HIRA: variants seen among roughly 807,000 people sequenced by gnomAD.
The protein encoded by HIRA is histone cell cycle regulator, also known as protein HIRA.
A neutral mutation model predicts 126.6 loss-of-function variants in HIRA; 13 were observed. The ratio of observed to expected loss-of-function variants is 0.10; its 90% CI spans 0.07 to 0.16. The LOEUF (loss-of-function observed/expected upper bound fraction) is 0.16. Among genes scored for constraint, HIRA ranks in the 10% least tolerant of loss-of-function variants. The pLI is 1.00. For missense variants in HIRA, 834 were observed against 1,314.4 expected, an observed-to-expected ratio of 0.63 and a Z score of 5.65; for synonymous variants, 511 against 520.0, an observed-to-expected ratio of 0.98 and a Z score of 0.24.
chr22:19,347,970 G>T (rs2088706367), intron 24 of HIRA, among the ~76,000 whole-genome samples: 1 of 152,130 alleles, frequency 6.6e-6, no homozygotes, highest in African/African-American at 2.4e-5. Flanking sequence ...CAAACAACTT[G>T]AGGGCCTAGG....
At chr22:19,403,343 C>A (rs1157891634) in intron 5 of HIRA, among the ~76,000 whole-genome samples, 1 of 152,168 alleles carries the variant, frequency 6.6e-6, no homozygotes. Context: ...GTCATGGTGA[C>A]TCATGCCTGT....
intron 5 of HIRA, among the ~76,000 whole-genome samples, chr22:19,405,045 A>ACAAGGG (rs2089297403): frequency 6.6e-6 from 1 of 152,150 alleles, no homozygotes; most frequent in South Asian, 2.1e-4. Flanking sequence ...CTCCCTCAGT[A>ACAAGGG]ACAGGGAGCA....
At chr22:19,402,663 T>C (rs972582582) in intron 5 of HIRA, among the ~76,000 whole-genome samples, 3 of 152,228 alleles carry the variant, frequency 2.0e-5, no homozygotes, top group Non-Finnish European at 4.4e-5. Flanking sequence ...CCAGTTTCTA[T>C]TTAACTGTGT....
intron 11 of HIRA, among the ~76,000 whole-genome samples, chr22:19,386,700 T>C (rs921466007): frequency 6.6e-6 from 1 of 152,184 alleles, no homozygotes; most frequent in Non-Finnish European, 1.5e-5. Flanking sequence ...CCAGCCTGAC[T>C]TGGGAAATGG....
At chr22:19,384,480 G>A (rs1328823362) in intron 12 of HIRA, among the ~76,000 whole-genome samples, 1 of 152,028 alleles carries the variant, frequency 6.6e-6, no homozygotes, top group Non-Finnish European at 1.5e-5. Context: ...CTAAGGAAAT[G>A]TATTCTAAAT....
chr22:19,347,036 A>G (rs1556009070), intron 24 of HIRA, among the ~76,000 whole-genome samples: 2 of 152,168 alleles, frequency 1.3e-5, no homozygotes, highest in Admixed American at 6.5e-5. Context: ...AAAGAGAACT[A>G]CTATGGTGAG....
At chr22:19,370,351 C>T (rs961926683) in intron 15 of HIRA, among the ~76,000 whole-genome samples, 1 of 152,220 alleles carries the variant, frequency 6.6e-6, no homozygotes, top group Non-Finnish European at 1.5e-5. Flanking sequence ...TTAAGGAATT[C>T]TGCTGCCTCA....
At chr22:19,334,255 A>C (rs144122369) in intron 24 of HIRA, among the ~76,000 whole-genome samples, 5 of 150,864 alleles carry the variant, frequency 3.3e-5, no homozygotes, top group East Asian at 4.0e-4. Flanking sequence ...GATTACAGGC[A>C]TGAGCCACTG....
chr22:19,422,498 C>T (rs2089456695), intron 1 of HIRA, among the ~76,000 whole-genome samples: 1 of 152,100 alleles, frequency 6.6e-6, no homozygotes, highest in African/African-American at 2.4e-5. Context: ...CCTCTGCTCC[C>T]CTTGCAGTGA....
At position 19,361,893 on chromosome 22, in the gene HIRA, C is replaced by T. The variant is rs193106800; in HGVS notation, c.1814G>A (p.Arg605Gln). 1.3e-5 allele frequency: 21 copies of T among 1,614,192 alleles called. No homozygotes were observed. Among genetic ancestry groups the T allele is most frequent in the Admixed American group, 1.2e-4 (7 of 60,032 alleles). Residue 605 changes from arginine (R) to glutamine (Q), a missense_variant, in exon 16 of 25, where the codon CGA becomes CAA. Around this residue, in one of 5 missense-constraint regions of HIRA, gnomAD observed 468 missense variants for 574.2 expected, o/e 0.82. Transcript: ENST00000263208. ...EQNLVKELRP[R>Q]DLLESSSDSD... ...GTCACTGCTGCTCTCCAGGAGGTCT[C>T]GGGGCCTCAGCTCTTTCACAAGGTT... is the stretch of plus-strand genomic sequence containing the variant.
At chr22:19,429,133 C>CTTTTTTTTT (rs57853722) in intron 1 of HIRA, among the ~76,000 whole-genome samples, 10 of 77,280 alleles carry the variant, frequency 1.3e-4, no homozygotes, top group East Asian at 4.4e-4. Flanking sequence ...GTTGCCATAT[C>CTTTTTTTTT]TTTTTTTTTT....
At chr22:19,364,731 T>C (rs2088896477) in intron 15 of HIRA, among the ~76,000 whole-genome samples, 1 of 152,176 alleles carries the variant, frequency 6.6e-6, no homozygotes, top group African/African-American at 2.4e-5. Flanking sequence ...CTCCCTATTA[T>C]CTGAGACAAA....
intron 2 of HIRA, among the ~76,000 whole-genome samples, chr22:19,409,617 T>A (rs536432111): frequency 1.3e-5 from 2 of 152,324 alleles, no homozygotes; most frequent in African/African-American, 4.8e-5. Flanking sequence ...ATCACTGATA[T>A]CTAACGAAGT....
At chr22:19,430,939 CCCT>C (rs1045970417) in intron 1 of HIRA, among the ~76,000 whole-genome samples, 2 of 152,170 alleles carry the variant, frequency 1.3e-5, no homozygotes, top group African/African-American at 4.8e-5. Flanking sequence ...GGCCCCCAAA[CCCT>C]CCTATTTAGG....
chr22:19,331,293 A>G lies in HIRA; in HGVS notation c.*147T>C, dbSNP rs1170652305. 5.1e-6 allele frequency: 8 copies of G among 1,575,506 alleles called. No individual in the cohort carries two copies. The highest frequency in any genetic ancestry group is 6.9e-6 in the Non-Finnish European group (8 of 1,167,594). ...GGACACAGGGCACATCTGCCCAGGGAGCTGGGCTGGCGCTGGTGCAGGACA... is the reference window on the plus strand; with the variant it reads ...GGACACAGGGCACATCTGCCCAGGGGGCTGGGCTGGCGCTGGTGCAGGACA... On this transcript the variant is annotated 3_prime_UTR_variant, in exon 25 of 25. Coordinates refer to ENST00000263208, the MANE Select transcript of HIRA (RefSeq NM_003325.4).
chr22:19,411,084 C>T (rs2089348452), intron 1 of HIRA, among the ~76,000 whole-genome samples: 2 of 152,214 alleles, frequency 1.3e-5, no homozygotes, highest in Non-Finnish European at 2.9e-5. Flanking sequence ...CAGACATCTC[C>T]CTATTGCATG....
chr22:19,336,858 G>C (rs2146166096), intron 24 of HIRA, among the ~76,000 whole-genome samples: 1 of 152,280 alleles, frequency 6.6e-6, no homozygotes, highest in Middle Eastern at 3.4e-3. Context: ...CAAATCAAGG[G>C]ATCACCCTGT....
chr22:19,375,566 C>T, intron 15 of HIRA, 65 bp downstream of exon 15: 1 of 1,553,830 alleles, frequency 6.4e-7, no homozygotes, highest in South Asian at 1.2e-5. Flanking sequence ...GGAACACTGC[C>T]ACTGTGCTGT....
intron 9 of HIRA, among the ~76,000 whole-genome samples, chr22:19,389,122 A>G (rs1462989578): frequency 2.0e-5 from 3 of 152,316 alleles, no homozygotes; most frequent in Middle Eastern, 3.4e-3. Flanking sequence ...ATTATCTTCT[A>G]TTTTGTGCAA....
Sources: gnomAD v4.1 joint callset for allele counts (sites outside exome capture counted in the v4.1 genomes callset) on GRCh38, gnomAD v4.1.1 for gene constraint, gnomAD v4.1.1 regional missense constraint, MANE v1.5 for transcripts, NCBI Gene and HGNC (gene_info 2026-07-23, HGNC 2026-07-21) for gene names.